Variants in TCAIM observed in about 807,000 individuals in gnomAD.
TCAIM encodes the protein T cell activation inhibitor, mitochondrial, also known as T-cell activation inhibitor, mitochondrial.
In TCAIM, 36 loss-of-function variants were observed where a neutral mutation model predicts 58.6. The observed-to-expected ratio is 0.61, with a 90% CI of 0.47 to 0.81. TCAIM has a LOEUF of 0.81. Ranked by LOEUF, TCAIM falls within the 30% of genes least tolerant of loss-of-function variation. The pLI is 0.00. For missense variants in TCAIM, 466 were observed against 579.6 expected, an observed-to-expected ratio of 0.80 and a Z score of 2.01; for synonymous variants, 172 against 193.6, an observed-to-expected ratio of 0.89 and a Z score of 0.93.
At position 44,348,093 on chromosome 3, in the gene TCAIM, T is replaced by G. The variant is rs1425971287; in HGVS notation, c.-44-6646T>G. 2.6e-5 allele frequency among the ~76,000 whole-genome samples: 4 copies of G among 152,270 alleles called. No homozygotes were observed. The East Asian group carries it at 7.7e-4, about 29-fold the overall frequency. On this transcript the variant is annotated intron_variant, in intron 1 of 10. Transcript: ENST00000342649. ...CCAGAGTTGGGGAGTTTTAAGAGGTTTAGAAGCCTGGCCGTCAATACCCAC... is the reference window on the plus strand; with the variant it reads ...CCAGAGTTGGGGAGTTTTAAGAGGTGTAGAAGCCTGGCCGTCAATACCCAC...
intron 5 of TCAIM, among the ~76,000 whole-genome samples, chr3:44,369,141 A>G (rs910296308): frequency 2.6e-5 from 4 of 152,238 alleles, no homozygotes; most frequent in African/African-American, 9.6e-5. Context: ...CAGAGGCTAC[A>G]GTGAGAATTG....
At chr3:44,400,141 T>A (rs1701998889) in intron 8 of TCAIM, among the ~76,000 whole-genome samples, 1 of 152,214 alleles carries the variant, frequency 6.6e-6, no homozygotes. Context: ...CCTCACAAAT[T>A]CCCATCTAAA....
intron 5 of TCAIM, among the ~76,000 whole-genome samples, chr3:44,375,616 A>C (rs956425335): frequency 6.6e-6 from 1 of 152,202 alleles, no homozygotes; most frequent in African/African-American, 2.4e-5. Context: ...CAAATATTTA[A>C]ACTGTAGCAC....
intron 1 of TCAIM, among the ~76,000 whole-genome samples, chr3:44,352,923 CTTTTT>C (rs61357631): frequency 7.6e-6 from 1 of 131,750 alleles, no homozygotes; most frequent in African/African-American, 2.8e-5. Context: ...AGATTGACTT[CTTTTT>C]TTTTTTTTTT....
At chr3:44,405,845 G>A (rs1450486012) in intron 10 of TCAIM, among the ~76,000 whole-genome samples, 4 of 38,336 alleles carry the variant, frequency 1.0e-4, no homozygotes, top group Admixed American at 6.5e-4. Context: ...CCAGCTACTT[G>A]GGAGGCTGAG....
intron 8 of TCAIM, 80 bp downstream of exon 8, chr3:44,396,914 TA>T (rs1667465982): frequency 1.3e-5 from 18 of 1,366,496 alleles, no homozygotes; most frequent in Non-Finnish European, 1.5e-5. Context: ...GTTAAGGGAC[TA>T]AAAAAAGGTT....
intron 4 of TCAIM, among the ~76,000 whole-genome samples, chr3:44,363,908 C>T (rs1408851336): frequency 6.9e-6 from 1 of 144,864 alleles, no homozygotes; most frequent in Non-Finnish European, 1.5e-5. Flanking sequence ...CTGGACAACA[C>T]AGCAAGTCTG....
intron 5 of TCAIM, among the ~76,000 whole-genome samples, chr3:44,376,077 C>T (rs753190669): frequency 2.6e-5 from 4 of 152,186 alleles, no homozygotes; most frequent in Non-Finnish European, 4.4e-5. Flanking sequence ...TTGCAGTCAA[C>T]CACATACTGT....
In TCAIM at chr3:44,398,764, G is replaced by T. The variant is rs545540727; in HGVS notation, c.886-1591G>T. Among the ~76,000 whole-genome samples the T allele has an allele frequency of 5.9e-5, 9 of 152,122 alleles. No individual in the cohort carries two copies. In the South Asian group the frequency reaches 1.9e-3, roughly 32 times the overall value. ...AATGTTTATAATAGCCAAAAACTAG[G>T]AAAAAATGAATTTTCTTCAGTGTGT... On this transcript the variant is annotated intron_variant, in intron 8 of 10. Coordinates refer to ENST00000342649, the MANE Select transcript of TCAIM (RefSeq NM_173826.4).
chr3:44,368,968 A>G (rs1445209080), intron 5 of TCAIM, among the ~76,000 whole-genome samples: 1 of 152,162 alleles, frequency 6.6e-6, no homozygotes, highest in Non-Finnish European at 1.5e-5. Context: ...GGCTGCGGTG[A>G]ACTATGATTG....
chr3:44,371,552 T>C (rs1282360627), intron 5 of TCAIM, among the ~76,000 whole-genome samples: 1 of 152,076 alleles, frequency 6.6e-6, no homozygotes, highest in Non-Finnish European at 1.5e-5. Flanking sequence ...TAGAGTGAAA[T>C]GCAGGGTAGG....
At chr3:44,373,579 G>T (rs192441898) in intron 5 of TCAIM, among the ~76,000 whole-genome samples, 2 of 152,068 alleles carry the variant, frequency 1.3e-5, no homozygotes, top group Admixed American at 6.6e-5. Context: ...GCTTGAACCC[G>T]GGAGGCAGAG....
chr3:44,383,493 G>A (rs1701685770), intron 5 of TCAIM, among the ~76,000 whole-genome samples: 2 of 152,148 alleles, frequency 1.3e-5, no homozygotes, highest in African/African-American at 2.4e-5. Context: ...ACAAGGAGTA[G>A]TCAAATTCAT....
intron 1 of TCAIM, chr3:44,339,712 A>T (rs1377689326): frequency 2.6e-5 from 4 of 152,036 alleles, no homozygotes; most frequent in African/African-American, 9.7e-5. Flanking sequence ...CTTAGAGAAG[A>T]CCTTCCTGAG....
intron 6 of TCAIM, among the ~76,000 whole-genome samples, chr3:44,395,578 G>A (rs1701920659): frequency 6.6e-6 from 1 of 152,202 alleles, no homozygotes; most frequent in Non-Finnish European, 1.5e-5. Flanking sequence ...ACACAGCAGG[G>A]CCTCTGACAT....
intron 5 of TCAIM, among the ~76,000 whole-genome samples, chr3:44,372,511 TAAAA>T (rs1393303713): frequency 1.6e-4 from 25 of 152,216 alleles, no homozygotes; most frequent in Non-Finnish European, 2.8e-4. Context: ...AGAAGTAGCA[TAAAA>T]ATGGTAATTC....
At chr3:44,398,148 G>T (rs901742240) in intron 8 of TCAIM, among the ~76,000 whole-genome samples, 1 of 152,078 alleles carries the variant, frequency 6.6e-6, no homozygotes, top group Non-Finnish European at 1.5e-5. Context: ...TTTATTGGCC[G>T]GGCACTGTGG....
At position 44,357,888 on chromosome 3, in the gene TCAIM, T is replaced by C. The variant is rs771001422; in HGVS notation, c.165+12T>C. ...ACCCCGTAGAAAGGGTAAACATTTA[T>C]TTATTTTTAAACCATTAGTGTACAT... On this transcript the variant is annotated intron_variant, in intron 3 of 10. Coordinates refer to ENST00000342649, the MANE Select transcript of TCAIM (RefSeq NM_173826.4). 6.2e-6 allele frequency: 10 copies of C among 1,611,646 alleles called. No individual in the cohort carries two copies. Among genetic ancestry groups the C allele is most frequent in the East Asian group, 4.5e-5 (2 of 44,868 alleles).
chr3:44,365,627 T>A (rs1701362169), intron 4 of TCAIM, among the ~76,000 whole-genome samples: 1 of 152,062 alleles, frequency 6.6e-6, no homozygotes, highest in African/African-American at 2.4e-5. Flanking sequence ...TGCCCCGGCC[T>A]CATACGTGAT....
Sources: gnomAD v4.1 joint callset for allele counts (sites outside exome capture counted in the v4.1 genomes callset) on GRCh38, gnomAD v4.1.1 for gene constraint, MANE v1.5 for transcripts, NCBI Gene and HGNC (gene_info 2026-07-23, HGNC 2026-07-21) for gene names.